The following CDK17 variants were observed in gnomAD, a reference collection of about 807,000 sequenced individuals.
CDK17 encodes cyclin-dependent kinase 17.
Under a neutral mutation model 77.6 loss-of-function variants are expected in CDK17, and 24 were observed. The ratio of observed to expected loss-of-function variants is 0.31; its 90% CI spans 0.22 to 0.44. CDK17 has a LOEUF of 0.44. CDK17 is among the 20% of genes least tolerant of loss of function. The probability of loss-of-function intolerance (pLI) is 1.00; values close to 1 mark genes in which losing one functional copy is unlikely to be tolerated. For missense variants in CDK17, 429 were observed against 622.5 expected (o/e 0.69, Z 3.31); for synonymous variants, 203 against 210.4 (o/e 0.96, Z 0.30).
chr12:96,298,823 T>C, intron 7 of CDK17, 46 bp downstream of exon 7: 1 of 1,011,128 alleles, frequency 9.9e-7, no homozygotes, highest in South Asian at 1.5e-5. Context: ...AAATAGACAC[T>C]TATTCCACCA....
At chr12:96,377,894 C>A (rs142851648) in intron 1 of CDK17, among the ~76,000 whole-genome samples, 1 of 152,018 alleles carries the variant, frequency 6.6e-6, no homozygotes, top group African/African-American at 2.4e-5. Context: ...AGGGTTTCAC[C>A]GTGTTAGCCA....
In CDK17 at chr12:96,388,271, C is replaced by G. The variant is rs1954010281; in HGVS notation, c.-30+11715G>C. On this transcript the variant is annotated intron_variant, in intron 1 of 16. Transcript: ENST00000261211. ...GGTTCAAAGAAATATTTGGTTGGCC[C>G]TAAGGAAAGCTTACAGATATGCTTA... 2.0e-5 allele frequency among the ~76,000 whole-genome samples: 3 copies of G among 152,232 alleles called. No individual in the cohort carries two copies. The South Asian group carries it at 6.2e-4, about 32-fold the overall frequency.
At chr12:96,301,123 A>C (rs1259754099) in intron 5 of CDK17, among the ~76,000 whole-genome samples, 1 of 152,086 alleles carries the variant, frequency 6.6e-6, no homozygotes, top group African/African-American at 2.4e-5. Context: ...AGGCTTTCCA[A>C]TCAAAATACA....
chr12:96,375,498 T>A (rs1047216765), intron 1 of CDK17, among the ~76,000 whole-genome samples: 3 of 147,544 alleles, frequency 2.0e-5, no homozygotes, highest in Admixed American at 6.8e-5. Context: ...AATTTCCATC[T>A]CTGATCCTAA....
intron 5 of CDK17, among the ~76,000 whole-genome samples, chr12:96,302,518 A>T (rs1411291887): frequency 6.6e-6 from 1 of 152,142 alleles, no homozygotes; most frequent in Non-Finnish European, 1.5e-5. Flanking sequence ...TATGGGGGAA[A>T]AAACACTATA....
chr12:96,294,611 A>AAAAAAAAT lies in CDK17; in HGVS notation c.997+387_997+388insATTTTTTT, dbSNP rs71097274. On this transcript the variant is annotated intron_variant, in intron 10 of 16. Coordinates refer to ENST00000261211, the MANE Select transcript of CDK17 (RefSeq NM_002595.5). ...AAAAAAAAAAAAAAAAAAAAAAAAA[A>AAAAAAAAT]GATATATTTTGGTGCCACTACTTTG... Among the ~76,000 whole-genome samples the AAAAAAAAT allele has an allele frequency of 4.1e-4, 50 of 121,312 alleles. 5 individuals are homozygous for AAAAAAAAT. The South Asian group carries it at 9.7e-3, about 24-fold the overall frequency. 79.6% of individuals were successfully genotyped at this position (121,312 alleles called of 152,430 possible). A position where few individuals can be genotyped will look rare whatever the true frequency, so the allele number is the denominator to read the frequency against.
intron 1 of CDK17, among the ~76,000 whole-genome samples, chr12:96,350,514 T>C (rs1300905962): frequency 1.3e-5 from 2 of 152,064 alleles, no homozygotes; most frequent in African/African-American, 4.8e-5. Context: ...CATTATGGTA[T>C]TGACATAAGA....
At chr12:96,284,244 G>T (rs919772253) in intron 13 of CDK17, among the ~76,000 whole-genome samples, 3 of 152,120 alleles carry the variant, frequency 2.0e-5, no homozygotes, top group Non-Finnish European at 4.4e-5. Context: ...GCCGAGGCGG[G>T]TGGATCACGA....
At chr12:96,304,627 C>T (rs1376506266) in intron 5 of CDK17, among the ~76,000 whole-genome samples, 1 of 152,070 alleles carries the variant, frequency 6.6e-6, no homozygotes, top group African/African-American at 2.4e-5. Context: ...TTACTGTTAA[C>T]GAAAGAAATG....
At chr12:96,306,340 G>A (rs1592716697) in intron 5 of CDK17, among the ~76,000 whole-genome samples, 1 of 151,940 alleles carries the variant, frequency 6.6e-6, no homozygotes, top group Non-Finnish European at 1.5e-5. Flanking sequence ...GCCAAAGCGG[G>A]AGGACTGCTT....
At chr12:96,335,143 T>C in intron 1 of CDK17, 2 of 461,492 alleles carry the variant, frequency 4.3e-6, no homozygotes, top group Non-Finnish European at 4.1e-6. Flanking sequence ...GAAATTTTCT[T>C]AAAATGTGTA....
At chr12:96,331,983 A>C (rs1011219868) in intron 2 of CDK17, among the ~76,000 whole-genome samples, 2 of 152,218 alleles carry the variant, frequency 1.3e-5, no homozygotes, top group African/African-American at 2.4e-5. Flanking sequence ...TGGTCTCATA[A>C]GATTATAATG....
chr12:96,327,020 C>G (rs1952900023), intron 2 of CDK17, among the ~76,000 whole-genome samples: 1 of 152,166 alleles, frequency 6.6e-6, no homozygotes, highest in South Asian at 2.1e-4. Context: ...GTAGGGAAGA[C>G]TACAAAAGGT....
chr12:96,396,714 A>G (rs1423706615), intron 1 of CDK17, among the ~76,000 whole-genome samples: 1 of 152,190 alleles, frequency 6.6e-6, no homozygotes, highest in African/African-American at 2.4e-5. Context: ...TAGAGAATAT[A>G]ATTTTTACAA....
chr12:96,320,537 A>C (rs1268573104), intron 3 of CDK17, among the ~76,000 whole-genome samples: 6 of 147,584 alleles, frequency 4.1e-5, no homozygotes, highest in South Asian at 2.2e-4. Context: ...TGGAGGCATC[A>C]CGCTACCTGA....
intron 1 of CDK17, chr12:96,386,816 A>T (rs543136873): frequency 8.3e-5 from 13 of 155,904 alleles, no homozygotes; most frequent in Admixed American, 7.2e-4. Flanking sequence ...ACCTTGAAAC[A>T]GTAATCTTAA....
At chr12:96,392,004 C>T (rs1481943723) in intron 1 of CDK17, among the ~76,000 whole-genome samples, 2 of 152,130 alleles carry the variant, frequency 1.3e-5, no homozygotes, top group African/African-American at 2.4e-5. Context: ...AATTCCATCA[C>T]TTTATTCAAT....
intron 1 of CDK17, among the ~76,000 whole-genome samples, chr12:96,338,357 A>G (rs941767413): frequency 3.9e-5 from 6 of 152,214 alleles, no homozygotes; most frequent in Non-Finnish European, 8.8e-5. Flanking sequence ...AACAAATCAT[A>G]ACCATGAGTT....
chr12:96,380,552 G>A (rs1304567133), intron 1 of CDK17, among the ~76,000 whole-genome samples: 2 of 152,112 alleles, frequency 1.3e-5, no homozygotes, highest in Non-Finnish European at 2.9e-5. Flanking sequence ...GCCTCCTAAA[G>A]TGCTGGGATT....
Sources: allele counts gnomAD v4.1 joint callset (sites outside exome capture counted in the v4.1 genomes callset), GRCh38; gene constraint gnomAD v4.1.1; transcripts MANE v1.5; gene names NCBI Gene and HGNC (gene_info 2026-07-23, HGNC 2026-07-21).